Variants in PDE8A observed in about 807,000 individuals in gnomAD.
The protein encoded by PDE8A is phosphodiesterase 8A.
A neutral mutation model predicts 105.0 loss-of-function variants in PDE8A; 59 were observed. The observed-to-expected ratio is 0.56, with a 90% CI of 0.46 to 0.70. The LOEUF (loss-of-function observed/expected upper bound fraction) is 0.70, where lower values mean the gene tolerates loss of function less well. Among genes scored for constraint, PDE8A ranks in the 30% least tolerant of loss-of-function variants. The pLI is 0.00. For missense variants in PDE8A, 1,014 were observed against 1,045.9 expected (o/e 0.97, Z 0.42); for synonymous variants, 355 against 371.9 (o/e 0.95, Z 0.52).
At position 84,982,054 on chromosome 15, in the gene PDE8A, G is replaced by T; in HGVS notation, c.-109G>T. 6 of 564,532 alleles carry T rather than the reference G, an allele frequency of 1.1e-5. No individual in the cohort carries two copies. Among genetic ancestry groups the T allele is most frequent in the Non-Finnish European group, 1.5e-5 (6 of 395,730 alleles). The allele number at this position is 564,532 out of a possible 1,614,324, so 35.0% of individuals were successfully genotyped here. ...GCGAGATCCGCGCTCGCCGCCGCCC[G>T]CCCAGGCGGCGATGACACGGCGCCC... On this transcript the variant is annotated 5_prime_UTR_variant, in exon 1 of 22. Transcript: ENST00000394553.
intron 11 of PDE8A, among the ~76,000 whole-genome samples, chr15:85,108,354 C>T (rs1212630923): frequency 2.6e-5 from 4 of 152,186 alleles, no homozygotes; most frequent in Non-Finnish European, 5.9e-5. Context: ...GCTATGCACT[C>T]ATCTGCAAAG....
At chr15:85,112,322 C>T (rs1472357717) in intron 12 of PDE8A, among the ~76,000 whole-genome samples, 1 of 152,106 alleles carries the variant, frequency 6.6e-6, no homozygotes, top group African/African-American at 2.4e-5. Flanking sequence ...TAAAATCTAC[C>T]TTTAGCAATT....
rs188261713 is a variant in PDE8A, at chr15:85,011,173, A to G, written c.186+28825A>G. On this transcript the variant is annotated intron_variant, in intron 1 of 21. Transcript: ENST00000394553. ...GTTCTTTTTCAGTTAGATATGGGGA[A>G]GTGGCACGTTCTCACTCACCATTCT... Among the ~76,000 whole-genome samples the G allele has an allele frequency of 2.0e-3, 309 of 152,300 alleles. 1 individual carries two copies. Among genetic ancestry groups the G allele is most frequent in the Non-Finnish European group, 2.8e-3 (192 of 68,034 alleles).
chr15:85,088,968 A>G (rs2081596798), intron 6 of PDE8A, among the ~76,000 whole-genome samples: 1 of 152,078 alleles, frequency 6.6e-6, no homozygotes, highest in East Asian at 1.9e-4. Flanking sequence ...AGTATTCTTG[A>G]CTCTATTCTC....
At chr15:85,095,411 T>C (rs1426851997) in intron 8 of PDE8A, among the ~76,000 whole-genome samples, 2 of 152,142 alleles carry the variant, frequency 1.3e-5, no homozygotes, top group African/African-American at 2.4e-5. Context: ...TGGGGTGATA[T>C]CGGCTCACTG....
intron 1 of PDE8A, among the ~76,000 whole-genome samples, chr15:85,019,136 A>G (rs2080377673): frequency 6.6e-6 from 1 of 152,144 alleles, no homozygotes; most frequent in Non-Finnish European, 1.5e-5. Context: ...TGCTGGGGTA[A>G]AAGGTTTTGG....
In PDE8A at chr15:85,138,691, A is replaced by C. The variant is rs1475043937; in HGVS notation, c.*788A>C. The C allele has an allele frequency of 6.6e-6, 1 of 152,238 alleles. No homozygotes were observed. The highest frequency in any genetic ancestry group is 1.5e-5 in the Non-Finnish European group (1 of 68,046). The allele number at this position is 152,238 out of a possible 1,614,324, so 9.4% of individuals were successfully genotyped here. On this transcript the variant is annotated 3_prime_UTR_variant, in exon 22 of 22. Transcript: ENST00000394553. Reference sequence around the variant, plus strand: ...GGGGTCGTATTCTAAGTGCTAAAGAAGGCTGCTTCTACTGTATAGAACCCA... The same window carrying C: ...GGGGTCGTATTCTAAGTGCTAAAGACGGCTGCTTCTACTGTATAGAACCCA...
At position 85,117,770 on chromosome 15, in the gene PDE8A, C is replaced by T; in HGVS notation, c.1665C>T (p.Tyr555=). 1.2e-6 allele frequency: 2 copies of T among 1,613,972 alleles called. No individual in the cohort carries two copies. Among genetic ancestry groups the T allele is most frequent in the South Asian group, 1.1e-5 (1 of 91,070 alleles). ...IEANYHSSNP[Y]HNSTHSADVL... Reference sequence around the variant, plus strand: ...CCAATTATCATTCCTCCAATCCCTACCACAATTCTACACATTCTGCTGATG... The same window carrying T: ...CCAATTATCATTCCTCCAATCCCTATCACAATTCTACACATTCTGCTGATG... Residue 555 remains tyrosine, a synonymous_variant, in exon 17 of 22, where the codon TAC becomes TAT. Transcript: ENST00000394553.
At chr15:85,068,104 G>A (rs866416535) in intron 3 of PDE8A, among the ~76,000 whole-genome samples, 16 of 151,844 alleles carry the variant, frequency 1.1e-4, no homozygotes, top group African/African-American at 2.9e-4. Flanking sequence ...TGCAAGGCTC[G>A]ATCTCAGCTC....
intron 15 of PDE8A, 91 bp from the exon 16 acceptor site, chr15:85,115,893 C>T: frequency 8.6e-7 from 1 of 1,160,918 alleles, no homozygotes; most frequent in Non-Finnish European, 1.2e-6. Flanking sequence ...ACACTCCAGC[C>T]TGGGCAACAG....
chr15:85,035,224 T>C (rs1158563255), intron 1 of PDE8A, among the ~76,000 whole-genome samples: 6 of 99,382 alleles, frequency 6.0e-5, no homozygotes, highest in Admixed American at 2.0e-4. Context: ...TTTTTTTTTT[T>C]TGAGACAGTG....
chr15:85,082,061 A>T (rs932921115), intron 5 of PDE8A, among the ~76,000 whole-genome samples: 13 of 152,242 alleles, frequency 8.5e-5, no homozygotes, highest in Middle Eastern at 3.4e-3. Flanking sequence ...TGGCACAAGC[A>T]CTATGTCAAG....
chr15:85,135,023 G>A (rs2082386049), intron 20 of PDE8A, among the ~76,000 whole-genome samples: 1 of 152,198 alleles, frequency 6.6e-6, no homozygotes, highest in Admixed American at 6.5e-5. Context: ...GCTGGGACGA[G>A]AGAACTTTCT....
Position 85,064,237 on chromosome 15 carries a change from T to G in PDE8A, c.187-133T>G, listed in dbSNP as rs528080782. 9.2e-4 allele frequency: 553 copies of G among 603,696 alleles called. 7 individuals are homozygous for G. The highest frequency in any genetic ancestry group is 5.1e-4 in the East Asian group (18 of 35,240). 37.4% of individuals were successfully genotyped at this position (603,696 alleles called of 1,614,324 possible). On this transcript the variant is annotated intron_variant, in intron 1 of 21. Coordinates refer to ENST00000394553, the MANE Select transcript of PDE8A (RefSeq NM_002605.3). ...TAGGATTCCTCATAATCATTTCATTTATCTACTATTTACTTTATTTGCCTC... is the reference window on the plus strand; with the variant it reads ...TAGGATTCCTCATAATCATTTCATTGATCTACTATTTACTTTATTTGCCTC...
chr15:85,075,676 T>C (rs1047307697), intron 3 of PDE8A, among the ~76,000 whole-genome samples, 186 bp from the exon 4 acceptor site: 1 of 152,200 alleles, frequency 6.6e-6, no homozygotes, highest in Non-Finnish European at 1.5e-5. Context: ...GTCCACTGAG[T>C]GGGAGTTTGC....
intron 6 of PDE8A, among the ~76,000 whole-genome samples, chr15:85,085,189 C>A (rs543951275): frequency 4.4e-4 from 67 of 152,330 alleles, no homozygotes; most frequent in African/African-American, 1.6e-3. Flanking sequence ...ACCTCTCTGT[C>A]CTCATCTCCC....
At chr15:85,130,436 T>G (rs1195030691) in intron 20 of PDE8A, among the ~76,000 whole-genome samples, 1 of 152,214 alleles carries the variant, frequency 6.6e-6, no homozygotes, top group African/African-American at 2.4e-5. Flanking sequence ...GAAAAGGTAC[T>G]TTGTATGACC....
At chr15:85,107,696 ATG>A (rs2081966747) in intron 11 of PDE8A, among the ~76,000 whole-genome samples, 1 of 152,196 alleles carries the variant, frequency 6.6e-6, no homozygotes. Context: ...TAAGGACTTC[ATG>A]GTGGATAATG....
Position 85,126,218 on chromosome 15 carries a change from A to C in PDE8A, c.2097A>C (p.Lys699Asn). Residue 699 changes from lysine to asparagine, a missense_variant, in exon 20 of 22, where the codon AAA becomes AAC. By Grantham distance (94) the Lys-to-Asn change is moderately conservative. Transcript: ENST00000394553. ...CACTCATGTTTCAGGAAACTGATAA[A>C]AACCAGGAAGTGATAAACACTATGC... ...ATLEENGETDKNQEVINTMLR... is the reference protein window; with the variant it reads ...ATLEENGETDNNQEVINTMLR... 15 of 1,603,884 alleles carry C rather than the reference A, an allele frequency of 9.4e-6. No individual in the cohort carries two copies. The highest frequency in any genetic ancestry group is 1.3e-5 in the Non-Finnish European group (15 of 1,175,448).
Sources: allele counts gnomAD v4.1 joint callset (sites outside exome capture counted in the v4.1 genomes callset), GRCh38; gene constraint gnomAD v4.1.1; transcripts MANE v1.5; gene names NCBI Gene and HGNC (gene_info 2026-07-23, HGNC 2026-07-21).